The following CFAP47 variants were observed in gnomAD, a reference collection of about 807,000 sequenced individuals.
CFAP47 encodes the protein cilia- and flagella-associated protein 47.
A neutral mutation model predicts 148.1 loss-of-function variants in CFAP47; 29 were observed. The observed-to-expected ratio is 0.20, with a 90% CI of 0.15 to 0.27. The LOEUF is 0.27. Ranked by LOEUF, CFAP47 falls within the 10% of genes least tolerant of loss-of-function variation. The probability of loss-of-function intolerance (pLI) is 1.00; values close to 1 mark genes in which losing one functional copy is unlikely to be tolerated. For missense variants in CFAP47, 1,872 were observed against 1,697.5 expected, an observed-to-expected ratio of 1.10 and a Z score of -1.81; for synonymous variants, 664 against 577.3, an observed-to-expected ratio of 1.15 and a Z score of -2.15.
chrX:36,179,078 A>G (rs1007266083), intron 39 of CFAP47, among the ~76,000 whole-genome samples: 4 of 112,419 alleles, frequency 3.6e-5, no homozygotes, highest in Non-Finnish European at 7.5e-5. Flanking sequence ...CTTATCTTCT[A>G]AATGTCCTTG....
chrX:36,059,701 A>G (rs142846477), intron 26 of CFAP47, among the ~76,000 whole-genome samples: 85 of 112,225 alleles, frequency 7.6e-4, no homozygotes, highest in African/African-American at 2.5e-3. Flanking sequence ...AGGTTTATAC[A>G]TTAATAATGT....
chrX:36,107,264 T>C (rs1407332536), intron 33 of CFAP47, among the ~76,000 whole-genome samples: 1 of 112,407 alleles, frequency 8.9e-6, no homozygotes, highest in Non-Finnish European at 1.9e-5. Flanking sequence ...AAAAAGTCCT[T>C]CAGAAAATTC....
intron 33 of CFAP47, among the ~76,000 whole-genome samples, chrX:36,126,109 T>G (rs1438493036): frequency 2.7e-5 from 3 of 109,272 alleles, no homozygotes; most frequent in African/African-American, 1.0e-4. Flanking sequence ...TTATTATACT[T>G]TAAGTACTGG....
At chrX:36,150,339 A>G (rs1749784719) in intron 37 of CFAP47, among the ~76,000 whole-genome samples, 1 of 112,183 alleles carries the variant, frequency 8.9e-6, no homozygotes, top group African/African-American at 3.2e-5. Context: ...TGCTAATGAC[A>G]TAAATACTCT....
At chrX:36,136,808 AT>A (rs1206097237) in intron 33 of CFAP47, among the ~76,000 whole-genome samples, 4 of 111,937 alleles carry the variant, frequency 3.6e-5, no homozygotes, top group African/African-American at 1.3e-4. Context: ...ATTTAAAATC[AT>A]TAATTCGATT....
At chrX:36,083,452 C>A (rs1201993793) in intron 29 of CFAP47, among the ~76,000 whole-genome samples, 2 of 111,322 alleles carry the variant, frequency 1.8e-5, no homozygotes, top group Non-Finnish European at 3.8e-5. Flanking sequence ...TGAAATGTCA[C>A]CTCCATTTCT....
At chrX:35,957,222 A>AAT (rs1401086609) in intron 8 of CFAP47, among the ~76,000 whole-genome samples, 2 of 107,877 alleles carry the variant, frequency 1.9e-5, no homozygotes. Flanking sequence ...AAAAAAAAAA[A>AAT]AAAAAAGACT....
At chrX:36,057,058 T>C in intron 26 of CFAP47, among the ~76,000 whole-genome samples, 1 of 112,241 alleles carries the variant, frequency 8.9e-6, no homozygotes, top group East Asian at 2.8e-4. Context: ...AGGGATTGAA[T>C]GTTATACATG....
chrX:36,371,214 A>C (rs1217989631), intron 62 of CFAP47, among the ~76,000 whole-genome samples: 1 of 111,309 alleles, frequency 9.0e-6, no homozygotes, highest in Non-Finnish European at 1.9e-5. Context: ...GATAACATTT[A>C]AAAATTGTTT....
intron 26 of CFAP47, among the ~76,000 whole-genome samples, chrX:36,054,398 A>G (rs1937537656): frequency 1.8e-5 from 2 of 112,349 alleles, no homozygotes; most frequent in South Asian, 3.7e-4. Flanking sequence ...AAATGCATTT[A>G]CTTCATGTTA....
chrX:35,958,141 C>T (rs934154798), intron 8 of CFAP47, among the ~76,000 whole-genome samples: 3 of 111,563 alleles, frequency 2.7e-5, no homozygotes, highest in Non-Finnish European at 5.6e-5. Context: ...TTATATAAGG[C>T]ATTTTGTGTA....
chrX:36,342,475 A>C (rs1197164178), intron 57 of CFAP47, among the ~76,000 whole-genome samples: 1 of 112,011 alleles, frequency 8.9e-6, no homozygotes, highest in Non-Finnish European at 1.9e-5. Flanking sequence ...TAGAAAATAG[A>C]GCATCTGTAA....
chrX:36,353,093 A>T (rs913436584), intron 59 of CFAP47, among the ~76,000 whole-genome samples: 6 of 110,647 alleles, frequency 5.4e-5, no homozygotes, highest in African/African-American at 2.0e-4. Context: ...TTATTTTTTT[A>T]AATTATTTGA....
intron 33 of CFAP47, among the ~76,000 whole-genome samples, chrX:36,132,566 A>G (rs1304926950): frequency 9.0e-6 from 1 of 111,693 alleles, no homozygotes; most frequent in Non-Finnish European, 1.9e-5. Context: ...GCTTGTATCA[A>G]AGGAACTATC....
intron 62 of CFAP47, among the ~76,000 whole-genome samples, chrX:36,371,541 A>T (rs1243439384): frequency 9.5e-6 from 1 of 104,850 alleles, no homozygotes. Flanking sequence ...ATATGTGTAT[A>T]CATATGTGTA....
intron 16 of CFAP47, 73 bp downstream of exon 16, chrX:35,989,522 G>A: frequency 2.5e-6 from 3 of 1,206,748 alleles, no homozygotes. Context: ...GGTGTATATA[G>A]TTACCTATAT....
At chrX:36,306,581 C>T (rs1290334568) in intron 54 of CFAP47, among the ~76,000 whole-genome samples, 191 bp from the exon 55 acceptor site, 1 of 110,845 alleles carries the variant, frequency 9.0e-6, no homozygotes, top group African/African-American at 3.3e-5. Flanking sequence ...GTGATCACCC[C>T]CAAACACGGT....
intron 32 of CFAP47, among the ~76,000 whole-genome samples, chrX:36,100,534 C>G (rs922009130): frequency 2.7e-5 from 3 of 111,996 alleles, no homozygotes; most frequent in Non-Finnish European, 3.8e-5. Context: ...GGTTTCAGTG[C>G]TTGAATAATT....
chrX:36,308,625 G>A (rs1019537329), intron 55 of CFAP47, among the ~76,000 whole-genome samples: 3 of 111,031 alleles, frequency 2.7e-5, no homozygotes, highest in African/African-American at 9.8e-5. Flanking sequence ...CTAAGTCTGA[G>A]TTTGGAATAA....
Sources: allele counts gnomAD v4.1 joint callset (sites outside exome capture counted in the v4.1 genomes callset), GRCh38; gene constraint gnomAD v4.1.1; transcripts MANE v1.5; gene names NCBI Gene and HGNC (gene_info 2026-07-23, HGNC 2026-07-21).